The following ACER3 variants were observed in gnomAD, a reference collection of about 807,000 sequenced individuals.
ACER3 encodes alkCDase 3.
ACER3 carries 16 observed loss-of-function variants against 48.9 expected under a neutral mutation model. The ratio of observed to expected loss-of-function variants is 0.33; its 90% CI spans 0.22 to 0.50. ACER3 has a LOEUF of 0.50. ACER3 is among the 20% of genes least tolerant of loss of function. The pLI is 0.98. For synonymous variants in ACER3, 109 were observed against 107.8 expected (o/e 1.01, Z -0.07); for missense variants, 227 against 326.0 (o/e 0.70, Z 2.34).
intron 7 of ACER3, among the ~76,000 whole-genome samples, chr11:77,000,141 G>A (rs1303738138): frequency 2.0e-5 from 3 of 152,130 alleles, no homozygotes; most frequent in Admixed American, 6.5e-5. Flanking sequence ...TATTTTTAAT[G>A]AAGTTTTTTA....
At chr11:76,915,316 G>A (rs1440002123) in intron 1 of ACER3, among the ~76,000 whole-genome samples, 3 of 151,792 alleles carry the variant, frequency 2.0e-5, no homozygotes, top group Admixed American at 6.6e-5. Context: ...ACTTCCCTTA[G>A]GGTGGGCTTT....
At chr11:76,907,013 A>G (rs887706267) in intron 1 of ACER3, among the ~76,000 whole-genome samples, 1 of 152,200 alleles carries the variant, frequency 6.6e-6, no homozygotes, top group Non-Finnish European at 1.5e-5. Context: ...TTGAAAAAAA[A>G]GCGTCACGTT....
chr11:76,964,704 G>T lies in ACER3; in HGVS notation c.267+5673G>T, dbSNP rs1445012713. 3.3e-5 allele frequency among the ~76,000 whole-genome samples: 5 copies of T among 151,296 alleles called. 1 individual carries two copies. Among genetic ancestry groups the T allele is most frequent in the African/African-American group, 1.2e-4 (5 of 40,594 alleles). Reference sequence around the variant, plus strand: ...CACTGCTGATACCCAGGCAAACAGGGTCTGAAGTGGACCTCCAGCAAACTC... The same window carrying T: ...CACTGCTGATACCCAGGCAAACAGGTTCTGAAGTGGACCTCCAGCAAACTC... On this transcript the variant is annotated intron_variant, in intron 3 of 10. Coordinates refer to ENST00000532485, the MANE Select transcript of ACER3 (RefSeq NM_018367.7).
chr11:76,862,141 G>A (rs1171862720), intron 1 of ACER3, among the ~76,000 whole-genome samples: 2 of 152,152 alleles, frequency 1.3e-5, no homozygotes, highest in Admixed American at 1.3e-4. Context: ...CTACTTCTCA[G>A]GACGTGAAGT....
chr11:76,967,465 A>G (rs1031363149), intron 3 of ACER3, among the ~76,000 whole-genome samples: 3 of 152,256 alleles, frequency 2.0e-5, no homozygotes, highest in African/African-American at 7.2e-5. Flanking sequence ...TTATGAGGCC[A>G]GCATCATCCT....
At chr11:76,890,371 AGATT>A (rs1945775035) in intron 1 of ACER3, among the ~76,000 whole-genome samples, 1 of 152,212 alleles carries the variant, frequency 6.6e-6, no homozygotes, top group Admixed American at 6.5e-5. Context: ...AGTCTAATAT[AGATT>A]AAGTTCTCAG....
At chr11:76,870,029 T>A (rs1353832817) in intron 1 of ACER3, among the ~76,000 whole-genome samples, 1 of 151,630 alleles carries the variant, frequency 6.6e-6, no homozygotes, top group Non-Finnish European at 1.5e-5. Context: ...ACCTGGCTAC[T>A]TTTTTTATTT....
intron 3 of ACER3, among the ~76,000 whole-genome samples, chr11:76,969,284 G>A (rs1406280730): frequency 1.3e-5 from 2 of 152,162 alleles, no homozygotes; most frequent in African/African-American, 4.8e-5. Flanking sequence ...TCATTAAAAA[G>A]TCAGGAAACA....
chr11:77,009,126 A>G (rs1426825609), intron 7 of ACER3, among the ~76,000 whole-genome samples: 1 of 152,172 alleles, frequency 6.6e-6, no homozygotes, highest in East Asian at 1.9e-4. Flanking sequence ...AATACTGGAG[A>G]CTAGGTAACT....
chr11:76,886,931 G>A (rs950497570), intron 1 of ACER3, among the ~76,000 whole-genome samples: 11 of 152,170 alleles, frequency 7.2e-5, no homozygotes, highest in African/African-American at 2.7e-4. Flanking sequence ...TCCCGCCTTG[G>A]CCTCCCAAAG....
chr11:76,955,485 T>C (rs1004982656), intron 2 of ACER3: 1 of 153,234 alleles, frequency 6.5e-6, no homozygotes, highest in African/African-American at 2.4e-5. Context: ...TGGCATTTAA[T>C]TTGGTTCCTG....
In ACER3 at chr11:76,898,903, C is replaced by CAAAAAAAAA. The variant is rs59278347; in HGVS notation, c.104-27633_104-27625dup. Among the ~76,000 whole-genome samples the CAAAAAAAAA allele has an allele frequency of 3.8e-4, 21 of 55,832 alleles. 1 individual carries two copies. The highest frequency in any genetic ancestry group is 1.7e-3 in the African/African-American group (20 of 11,738). The allele number at this position is 55,832 out of a possible 152,430, so 36.6% of individuals were successfully genotyped here. The stretch of plus-strand genomic sequence containing the variant: ...TGGGCGACAGAGCGAGACTCCGTCT[C>CAAAAAAAAA]AAAAAAAAAAAAAAAAAAAAAAAAA... On this transcript the variant is annotated intron_variant, in intron 1 of 10. Coordinates refer to ENST00000532485, the MANE Select transcript of ACER3 (RefSeq NM_018367.7).
At chr11:76,884,759 T>C (rs1945630440) in intron 1 of ACER3, among the ~76,000 whole-genome samples, 1 of 152,126 alleles carries the variant, frequency 6.6e-6, no homozygotes, top group African/African-American at 2.4e-5. Context: ...TTATTTTTCA[T>C]TTTTCTTTTT....
At chr11:77,000,676 C>T (rs782339314) in intron 7 of ACER3, among the ~76,000 whole-genome samples, 42 of 152,200 alleles carry the variant, frequency 2.8e-4, no homozygotes, top group Non-Finnish European at 4.1e-4. Flanking sequence ...ACTATCCTTT[C>T]TCCATTGAAT....
chr11:76,860,921 G>T lies in ACER3; in HGVS notation c.-56G>T. The T allele has an allele frequency of 7.8e-7, 1 of 1,288,978 alleles. No homozygotes were observed. The allele number at this position is 1,288,978 out of a possible 1,614,324, so 79.8% of individuals were successfully genotyped here. On this transcript the variant is annotated 5_prime_UTR_variant, in exon 1 of 11. Coordinates refer to ENST00000532485, the MANE Select transcript of ACER3 (RefSeq NM_018367.7). ...GGGCTGGGCCGGAGCCGGCCTGGTC[G>T]CCAGCCTAACCCGGCACAGTGAGCG...
chr11:77,015,103 T>G lies in ACER3; in HGVS notation c.585T>G (p.Phe195Leu). ...TATTTTGGAATATAGATAACATATT[T>G]TGTGAGTCACTGAGGTAAGATATAT... is the stretch of plus-strand genomic sequence containing the variant. ...GFLFWNIDNIFCESLRNFRKK... is the reference protein window; with the variant it reads ...GFLFWNIDNILCESLRNFRKK... The change falls in exon 8 of 11, where the codon TTT (phenylalanine) becomes TTG (leucine). Residue 195 changes from phenylalanine (F) to leucine (L), a missense_variant. Coordinates refer to ENST00000532485, the MANE Select transcript of ACER3 (RefSeq NM_018367.7). 6.6e-7 allele frequency: 1 copy of G among 1,519,364 alleles called. No homozygotes were observed. Among genetic ancestry groups the G allele is most frequent in the Admixed American group, 1.7e-5 (1 of 59,748 alleles). 94.1% of individuals were successfully genotyped at this position (1,519,364 alleles called of 1,614,324 possible). A position where few individuals can be genotyped will look rare whatever the true frequency, so the allele number is the denominator to read the frequency against.
chr11:76,926,521 T>C (rs1203600702), intron 1 of ACER3, 36 bp from the exon 2 acceptor site: 1 of 1,296,556 alleles, frequency 7.7e-7, no homozygotes, highest in Admixed American at 1.9e-5. Flanking sequence ...GTGTTATTGA[T>C]TAACCTAAAT....
intron 1 of ACER3, among the ~76,000 whole-genome samples, chr11:76,881,699 A>G (rs550600859): frequency 6.5e-4 from 99 of 152,176 alleles, no homozygotes; most frequent in Non-Finnish European, 1.1e-3. Context: ...TTAAAAGTAA[A>G]CAAGTTATAA....
At chr11:76,902,988 G>A (rs1161081458) in intron 1 of ACER3, among the ~76,000 whole-genome samples, 4 of 152,082 alleles carry the variant, frequency 2.6e-5, no homozygotes, top group South Asian at 4.2e-4. Flanking sequence ...TGTAAGTTTC[G>A]ATAAATTTTA....
Sources: gnomAD v4.1 joint callset for allele counts (sites outside exome capture counted in the v4.1 genomes callset) on GRCh38, gnomAD v4.1.1 for gene constraint, MANE v1.5 for transcripts, NCBI Gene and HGNC (gene_info 2026-07-23, HGNC 2026-07-21) for gene names.